The following DPH6 variants were observed in gnomAD, a reference collection of about 807,000 sequenced individuals.
DPH6 encodes diphthamine biosynthesis 6, also known as diphthine--ammonia ligase.
A neutral mutation model predicts 38.2 loss-of-function variants in DPH6; 33 were observed. The observed-to-expected ratio is 0.86, with a 90% confidence interval of 0.65 to 1.15. The LOEUF (loss-of-function observed/expected upper bound fraction) is 1.15, where lower values mean the gene tolerates loss of function less well. DPH6 is among the 50% of genes most tolerant of loss of function. DPH6 has a pLI of 0.00. For missense variants in DPH6, 325 were observed against 320.0 expected (o/e 1.02, Z -0.12); for synonymous variants, 108 against 103.0 (o/e 1.05, Z -0.30).
chr15:35,349,077 T>C, intron 3 of DPH6, among the ~76,000 whole-genome samples: 1 of 152,336 alleles, frequency 6.6e-6, no homozygotes, highest in South Asian at 2.1e-4. Flanking sequence ...TAGGGTTTTC[T>C]ATATATAAGA....
intron 3 of DPH6, among the ~76,000 whole-genome samples, chr15:35,515,209 T>C (rs901138003): frequency 6.6e-6 from 1 of 152,000 alleles, no homozygotes; most frequent in Admixed American, 6.6e-5. Flanking sequence ...ATAATAGTTA[T>C]ATATTATAGC....
intron 3 of DPH6, among the ~76,000 whole-genome samples, chr15:35,277,726 A>G (rs973899140): frequency 3.9e-5 from 6 of 152,218 alleles, no homozygotes; most frequent in Non-Finnish European, 8.8e-5. Flanking sequence ...AGTTACTGGG[A>G]ACGCGAGTAA....
intron 3 of DPH6, among the ~76,000 whole-genome samples, chr15:35,498,648 T>C (rs1474902040): frequency 6.6e-6 from 1 of 152,156 alleles, no homozygotes; most frequent in Non-Finnish European, 1.5e-5. Context: ...GATTCAAATA[T>C]AATTCTAAAC....
intron 3 of DPH6, among the ~76,000 whole-genome samples, chr15:35,266,539 T>G (rs144403995): frequency 6.6e-6 from 1 of 152,336 alleles, no homozygotes; most frequent in South Asian, 2.1e-4. Context: ...GTCAAGCAAC[T>G]AACATAAATT....
At chr15:35,267,345 A>G (rs559343188) in intron 3 of DPH6, among the ~76,000 whole-genome samples, 1 of 152,188 alleles carries the variant, frequency 6.6e-6, no homozygotes, top group South Asian at 2.1e-4. Flanking sequence ...CTCTTCTACC[A>G]CTGAAACTAG....
intron 3 of DPH6, among the ~76,000 whole-genome samples, chr15:35,337,532 G>T (rs1436423226): frequency 6.6e-6 from 1 of 151,798 alleles, no homozygotes; most frequent in Admixed American, 6.6e-5. Flanking sequence ...AAATAAAACA[G>T]GATACAAACA....
chr15:35,261,699 G>A (rs1342660868), intron 3 of DPH6, among the ~76,000 whole-genome samples: 1 of 152,050 alleles, frequency 6.6e-6, no homozygotes, highest in Non-Finnish European at 1.5e-5. Context: ...TGGGTGTGGT[G>A]GCGTATGCTT....
intron 3 of DPH6, among the ~76,000 whole-genome samples, chr15:35,338,509 A>G (rs542129755): frequency 7.9e-5 from 12 of 152,256 alleles, no homozygotes; most frequent in Middle Eastern, 3.4e-3. Context: ...TTAGAATGGC[A>G]ATCATTAAAA....
chr15:35,214,111 C>CAA (rs202243463), downstream of DPH6, among the ~76,000 whole-genome samples: 1 of 85,504 alleles, frequency 1.2e-5, no homozygotes. Flanking sequence ...GACTCCGTCT[C>CAA]AAAAAAAAAA....
intron 3 of DPH6, among the ~76,000 whole-genome samples, chr15:35,260,182 C>A (rs2051736953): frequency 6.6e-6 from 1 of 152,156 alleles, no homozygotes; most frequent in Non-Finnish European, 1.5e-5. Flanking sequence ...AATCTCAGCT[C>A]ATTGCAACCT....
At chr15:35,318,638 A>T (rs2052213280) in intron 3 of DPH6, among the ~76,000 whole-genome samples, 1 of 152,196 alleles carries the variant, frequency 6.6e-6, no homozygotes, top group Admixed American at 6.5e-5. Flanking sequence ...TAATTAAGCT[A>T]GAAATCAAGA....
downstream of DPH6, among the ~76,000 whole-genome samples, chr15:35,367,608 C>T (rs1162408253): frequency 2.6e-5 from 4 of 151,764 alleles, no homozygotes; most frequent in East Asian, 7.7e-4. Flanking sequence ...TTTTATCTCA[C>T]AGCTTTCTAT....
intron 7 of DPH6, among the ~76,000 whole-genome samples, chr15:35,380,652 C>T (rs369403971): frequency 7.2e-5 from 11 of 152,052 alleles, no homozygotes; most frequent in East Asian, 1.9e-4. Flanking sequence ...AATAATATAA[C>T]GTATTATTTC....
chr15:35,348,949 G>A (rs1048110708), intron 3 of DPH6, among the ~76,000 whole-genome samples: 13 of 151,936 alleles, frequency 8.6e-5, no homozygotes, highest in Admixed American at 2.6e-4. Flanking sequence ...TCCTTGTCAG[G>A]TATTTTGCTG....
chr15:35,320,054 G>A (rs905771163), intron 3 of DPH6, among the ~76,000 whole-genome samples: 1 of 151,744 alleles, frequency 6.6e-6, no homozygotes, highest in Non-Finnish European at 1.5e-5. Flanking sequence ...TCTTTAGTTT[G>A]TTCTTTCTAC....
the DPH6 span, among the ~76,000 whole-genome samples, chr15:35,192,454 T>C: frequency 6.6e-6 from 1 of 152,222 alleles, no homozygotes; most frequent in African/African-American, 2.4e-5. Context: ...GAAGGCAGAA[T>C]AGCTCTATTT....
chr15:35,227,438 C>G (rs1312125858), intron 3 of DPH6, among the ~76,000 whole-genome samples: 1 of 152,010 alleles, frequency 6.6e-6, no homozygotes, highest in Non-Finnish European at 1.5e-5. Context: ...CCATCTCGGC[C>G]TCCCAAAGTG....
chr15:35,279,859 G>A (rs1226644380), intron 3 of DPH6, among the ~76,000 whole-genome samples: 2 of 152,154 alleles, frequency 1.3e-5, no homozygotes, highest in Non-Finnish European at 2.9e-5. Context: ...CAACGTGACT[G>A]TATTTGGAGT....
chr15:35,436,197 T>C (rs942618798), intron 5 of DPH6, among the ~76,000 whole-genome samples: 1 of 152,036 alleles, frequency 6.6e-6, no homozygotes, highest in Non-Finnish European at 1.5e-5. Flanking sequence ...CTGGGCGCGG[T>C]GGCTCATGCC....
Sources: gnomAD v4.1 joint callset for allele counts (sites outside exome capture counted in the v4.1 genomes callset) on GRCh38, gnomAD v4.1.1 for gene constraint, MANE v1.5 for transcripts, NCBI Gene and HGNC (gene_info 2026-07-23, HGNC 2026-07-21) for gene names.